SBK2: variants seen among roughly 807,000 people sequenced by gnomAD.
SBK2 encodes SH3 domain binding kinase family member 2, also known as serine/threonine-protein kinase SBK2.
SBK2 carries 18 observed loss-of-function variants against 15.9 expected under a neutral mutation model. The ratio of observed to expected loss-of-function variants is 1.13; its 90% confidence interval spans 0.78 to 1.68. SBK2 has a LOEUF of 1.68. SBK2 is among the 40% of genes most tolerant of loss of function. The pLI, the probability that SBK2 is intolerant of heterozygous loss-of-function variation, is 0.00. For synonymous variants in SBK2, 284 were observed against 246.8 expected (o/e 1.15, Z -1.41); for missense variants, 581 against 510.9 (o/e 1.14, Z -1.32).
In SBK2 at chr19:55,529,346, A is replaced by G. The variant is rs1016360556; in HGVS notation, c.*387T>C. Among the ~76,000 whole-genome samples, 4 of 152,208 alleles carry G rather than the reference A, an allele frequency of 2.6e-5. No homozygotes were observed. Among genetic ancestry groups the G allele is most frequent in the African/African-American group, 9.6e-5 (4 of 41,452 alleles). On this transcript the variant is annotated 3_prime_UTR_variant, in exon 4 of 4. Coordinates refer to ENST00000413299, the MANE Select transcript of SBK2 (RefSeq NM_001370096.2). ...TGGATTTTGAGACTGCAGTGAGCAG[A>G]GATAGCACCACTGCACTCCAGCCTG...
intron 2 of SBK2, among the ~76,000 whole-genome samples, chr19:55,533,307 C>A (rs1988316654): frequency 1.3e-5 from 2 of 149,858 alleles, no homozygotes; most frequent in Admixed American, 1.3e-4. Flanking sequence ...CTCACTGCAG[C>A]CTGGGTGACA....
rs1461815284 is a variant in SBK2, at chr19:55,529,657, G to A, written c.*76C>T. ...CAAGCCCCATGGATGAAAACACACCGAGGAGACACCAAAAGCCGTTGGCCT... is the reference window on the plus strand; with the variant it reads ...CAAGCCCCATGGATGAAAACACACCAAGGAGACACCAAAAGCCGTTGGCCT... On this transcript the variant is annotated 3_prime_UTR_variant, in exon 4 of 4. Coordinates refer to ENST00000413299, the MANE Select transcript of SBK2 (RefSeq NM_001370096.2). 1 of 1,530,750 alleles carries A rather than the reference G, an allele frequency of 6.5e-7. No homozygotes were observed. The highest frequency in any genetic ancestry group is 2.3e-5 in the East Asian group (1 of 42,978). The allele number at this position is 1,530,750 out of a possible 1,614,324, so 94.8% of individuals were successfully genotyped here.
chr19:55,535,152 C>T (rs1484028212), intron 2 of SBK2, among the ~76,000 whole-genome samples: 1 of 152,214 alleles, frequency 6.6e-6, no homozygotes, highest in Non-Finnish European at 1.5e-5. Context: ...AAGGCAGGGA[C>T]TGGCTCTGGT....
intron 2 of SBK2, among the ~76,000 whole-genome samples, chr19:55,535,271 G>A (rs964832238): frequency 5.3e-5 from 8 of 152,094 alleles, no homozygotes; most frequent in African/African-American, 1.9e-4. Context: ...CCGTTTCATG[G>A]AAGGACACGG....
intron 2 of SBK2, among the ~76,000 whole-genome samples, chr19:55,533,980 G>C (rs1275815310): frequency 6.6e-6 from 1 of 152,180 alleles, no homozygotes; most frequent in Non-Finnish European, 1.5e-5. Flanking sequence ...GGCCTCATTG[G>C]CAATGCCCCC....
intron 2 of SBK2, among the ~76,000 whole-genome samples, chr19:55,533,908 C>G (rs903074685): frequency 6.6e-6 from 1 of 152,056 alleles, no homozygotes; most frequent in Non-Finnish European, 1.5e-5. Context: ...CAGCATCATG[C>G]AGCCCAGGGG....
intron 2 of SBK2, among the ~76,000 whole-genome samples, chr19:55,535,070 C>T (rs905307744): frequency 1.3e-5 from 2 of 152,044 alleles, no homozygotes; most frequent in East Asian, 1.9e-4. Flanking sequence ...GTTGTGGAAG[C>T]GCCTGCCTTT....
intron 1 of SBK2, among the ~76,000 whole-genome samples, 191 bp from the exon 2 acceptor site, chr19:55,536,487 T>C (rs1988409425): frequency 6.7e-6 from 1 of 148,944 alleles, no homozygotes; most frequent in Non-Finnish European, 1.5e-5. Context: ...AGGTCACAGA[T>C]GTCCCTGCCC....
In SBK2 at chr19:55,529,018, G is replaced by A. The variant is rs1230116689; in HGVS notation, c.*715C>T. The stretch of plus-strand genomic sequence containing the variant: ...TGTAATCCCAGCACTGCGGGAGGCC[G>A]AGGTGGGAGACTCGCTCCAGGCCAG... On this transcript the variant is annotated 3_prime_UTR_variant, in exon 4 of 4. Transcript: ENST00000413299. Among the ~76,000 whole-genome samples, 2 of 152,226 alleles carry A rather than the reference G, an allele frequency of 1.3e-5. No homozygotes were observed. The highest frequency in any genetic ancestry group is 2.9e-5 in the Non-Finnish European group (2 of 68,042).
rs1371710985 is a variant in SBK2, at chr19:55,528,775, C to G, written c.*958G>C. On this transcript the variant is annotated 3_prime_UTR_variant, in exon 4 of 4. Coordinates refer to ENST00000413299, the MANE Select transcript of SBK2 (RefSeq NM_001370096.2). ...GGGAGGCTGCGCCACACCAGACAGG[C>G]TAATTTATTTAACAGACATTTCCTG... Among the ~76,000 whole-genome samples, 1 of 152,174 alleles carries G rather than the reference C, an allele frequency of 6.6e-6. No individual in the cohort carries two copies. The highest frequency in any genetic ancestry group is 1.5e-5 in the Non-Finnish European group (1 of 68,034).
Position 55,530,482 on chromosome 19 carries a change from GGCCTAGGGTGACCCCGTGA to G in SBK2, c.457-178_457-160del, listed in dbSNP as rs1376187485. Among the ~76,000 whole-genome samples, 11 of 81,116 alleles carry G rather than the reference GGCCTAGGGTGACCCCGTGA, an allele frequency of 1.4e-4. 1 individual carries two copies. Among genetic ancestry groups the G allele is most frequent in the East Asian group, 6.6e-4 (2 of 3,030 alleles). The allele number at this position is 81,116 out of a possible 152,430, so 53.2% of individuals were successfully genotyped here. On this transcript the variant is annotated intron_variant, in intron 3 of 3. Coordinates refer to ENST00000413299, the MANE Select transcript of SBK2 (RefSeq NM_001370096.2). The stretch of plus-strand genomic sequence containing the variant: ...CCTGTGAGGCCTGCGGGTTTAGTGT[GGCCTAGGGTGACCCCGTGA>G]GGCCTAGTGTGACCTGTGAGGCCTG...
chr19:55,534,530 AC>A (rs1169730666), intron 2 of SBK2, among the ~76,000 whole-genome samples: 1 of 148,628 alleles, frequency 6.7e-6, no homozygotes, highest in East Asian at 2.0e-4. Context: ...ACACAGTGAG[AC>A]CCCATCTTAA....
chr19:55,534,231 T>C (rs1988340803), intron 2 of SBK2, among the ~76,000 whole-genome samples: 1 of 152,116 alleles, frequency 6.6e-6, no homozygotes, highest in African/African-American at 2.4e-5. Flanking sequence ...CAGGCCCTCA[T>C]CCAATGTGAC....
intron 2 of SBK2, among the ~76,000 whole-genome samples, 164 bp from the exon 3 acceptor site, chr19:55,531,509 A>G (rs1988266350): frequency 1.3e-5 from 2 of 152,128 alleles, no homozygotes; most frequent in Admixed American, 1.3e-4. Flanking sequence ...AGCCCATCCT[A>G]ACAGCATGGC....
At chr19:55,535,553 A>C (rs1285682597) in intron 2 of SBK2, among the ~76,000 whole-genome samples, 1 of 152,206 alleles carries the variant, frequency 6.6e-6, no homozygotes, top group Non-Finnish European at 1.5e-5. Context: ...TGAGACTCAG[A>C]GAGGGCAAGG....
intron 2 of SBK2, among the ~76,000 whole-genome samples, chr19:55,532,146 C>G (rs762316971): frequency 1.8e-4 from 27 of 151,834 alleles, no homozygotes; most frequent in Non-Finnish European, 3.4e-4. Context: ...ACAGCAAACT[C>G]GTGTTTGAGG....
rs1988244477 is a variant in SBK2 at position 55,531,065 on chromosome 19, C to T, written c.456+78G>A. ...GAGGCCCAACGCAGTGGCTGTGGCTCCTGCGGCCCAGGCTGCTCAGGACGT... is the reference window on the plus strand; with the variant it reads ...GAGGCCCAACGCAGTGGCTGTGGCTTCTGCGGCCCAGGCTGCTCAGGACGT... On this transcript the variant is annotated intron_variant, in intron 3 of 3. Transcript: ENST00000413299. 2.2e-6 allele frequency: 3 copies of T among 1,371,752 alleles called. No individual in the cohort carries two copies. The South Asian group carries it at 3.6e-5, about 16-fold the overall frequency. The allele number at this position is 1,371,752 out of a possible 1,614,324, so 85.0% of individuals were successfully genotyped here. A position where few individuals can be genotyped will look rare whatever the true frequency, so the allele number is the denominator to read the frequency against.
chr19:55,534,485 G>A (rs1988346537), intron 2 of SBK2, among the ~76,000 whole-genome samples: 1 of 151,624 alleles, frequency 6.6e-6, no homozygotes, highest in Admixed American at 6.6e-5. Flanking sequence ...GAGGCAGGAG[G>A]ACCACTTGAG....
In SBK2 at chr19:55,531,148, G is replaced by T; in HGVS notation, c.451C>A (p.Pro151Thr). Residue 151 changes from proline (P) to threonine (T), a missense_variant, in exon 3 of 4, where the codon CCC (proline) becomes ACC (threonine). By Grantham distance (38) the Pro-to-Thr change is conservative. Coordinates refer to ENST00000413299, the MANE Select transcript of SBK2 (RefSeq NM_001370096.2). ...LHGDLMAFIQPKVGLPQPAVH... is the reference protein window; with the variant it reads ...LHGDLMAFIQTKVGLPQPAVH... ...CCTGGGGTCTGCCTACGCACCTTGG[G>T]CTGGATGAAGGCCATGAGGTCCCCG... 6.2e-7 allele frequency: 1 copy of T among 1,610,982 alleles called. No homozygotes were observed.
Sources: allele counts gnomAD v4.1 joint callset (sites outside exome capture counted in the v4.1 genomes callset), GRCh38; gene constraint gnomAD v4.1.1; transcripts MANE v1.5; gene names NCBI Gene and HGNC (gene_info 2026-07-23, HGNC 2026-07-21).